Variants in NEGR1 observed in about 807,000 individuals in gnomAD.
NEGR1 encodes the protein IgLON family member 4.
NEGR1 carries 10 observed loss-of-function variants against 40.9 expected under a neutral mutation model. The observed-to-expected ratio is 0.24, with a 90% CI of 0.15 to 0.42. NEGR1 has a LOEUF of 0.42. NEGR1 is among the 10% of genes least tolerant of loss of function. The pLI is 1.00. For synonymous variants in NEGR1, 185 were observed against 166.8 expected (o/e 1.11, Z -0.84); for missense variants, 352 against 438.9 (o/e 0.80, Z 1.77).
intron 3 of NEGR1, among the ~76,000 whole-genome samples, chr1:71,727,642 A>G (rs2101659903): frequency 6.6e-6 from 1 of 152,266 alleles, no homozygotes; most frequent in Middle Eastern, 3.4e-3. Flanking sequence ...CAGAAAATAA[A>G]TTCATAAAAT....
At chr1:71,990,655 T>G (rs2100357170) in intron 1 of NEGR1, among the ~76,000 whole-genome samples, 1 of 152,182 alleles carries the variant, frequency 6.6e-6, no homozygotes, top group South Asian at 2.1e-4. Context: ...TTATAAAACA[T>G]CTGTTTCTTA....
At chr1:72,255,717 T>C (rs939920783) in intron 1 of NEGR1, among the ~76,000 whole-genome samples, 4 of 151,808 alleles carry the variant, frequency 2.6e-5, no homozygotes, top group Non-Finnish European at 5.9e-5. Flanking sequence ...CACCCAGCAA[T>C]TCTTTTGTAT....
rs879077998 is a variant in NEGR1 at position 72,273,833 on chromosome 1, T to TA, written c.176+8485dup. Among the ~76,000 whole-genome samples the TA allele has an allele frequency of 5.2e-3, 755 of 146,028 alleles. 5 individuals carry two copies. Among genetic ancestry groups the TA allele is most frequent in the African/African-American group, 0.013 (538 of 39,998 alleles). ...GGCAGGGACTGTTGATATATGGATT[T>TA]AAAAAAAAAAACACTTAAATACATT... is the stretch of plus-strand genomic sequence containing the variant. On this transcript the variant is annotated intron_variant, in intron 1 of 6. Coordinates refer to ENST00000357731, the MANE Select transcript of NEGR1 (RefSeq NM_173808.3).
intron 6 of NEGR1, among the ~76,000 whole-genome samples, chr1:71,519,639 T>C (rs1225947175): frequency 1.4e-4 from 18 of 126,836 alleles, no homozygotes; most frequent in Non-Finnish European, 1.5e-4. Context: ...AGATGACACG[T>C]TAGTGGGTGC....
At chr1:71,443,339 G>A (rs913388962) in intron 6 of NEGR1, among the ~76,000 whole-genome samples, 6 of 152,014 alleles carry the variant, frequency 3.9e-5, no homozygotes, top group African/African-American at 9.7e-5. Flanking sequence ...CATAACTGTC[G>A]TAGCCATTAT....
At chr1:71,569,764 T>C (rs1224660065) in intron 6 of NEGR1, among the ~76,000 whole-genome samples, 1 of 152,132 alleles carries the variant, frequency 6.6e-6, no homozygotes, top group Non-Finnish European at 1.5e-5. Context: ...ACAGAAAGTG[T>C]CATTATATGT....
chr1:72,145,724 C>T (rs1166737122), intron 1 of NEGR1, among the ~76,000 whole-genome samples: 2 of 152,012 alleles, frequency 1.3e-5, no homozygotes, highest in African/African-American at 2.4e-5. Flanking sequence ...TGAATGATTC[C>T]ACTCCAATCT....
chr1:71,714,159 G>A (rs1019551624), intron 3 of NEGR1, among the ~76,000 whole-genome samples: 3 of 152,154 alleles, frequency 2.0e-5, no homozygotes, highest in Non-Finnish European at 1.5e-5. Context: ...GAAGGAGAGA[G>A]AATGAGGGCC....
intron 4 of NEGR1, among the ~76,000 whole-genome samples, chr1:71,625,081 T>G (rs1196764837): frequency 6.6e-6 from 1 of 152,068 alleles, no homozygotes; most frequent in African/African-American, 2.4e-5. Context: ...GTTGCACATT[T>G]TGATGTAGGC....
chr1:71,664,635 A>T (rs905162578), intron 4 of NEGR1, among the ~76,000 whole-genome samples: 1 of 152,156 alleles, frequency 6.6e-6, no homozygotes, highest in African/African-American at 2.4e-5. Context: ...TTTGGTTTGA[A>T]CAGAATTTAT....
In NEGR1 at chr1:72,175,905, T is replaced by C. The variant is rs892624862; in HGVS notation, c.176+106414A>G. 4.6e-5 allele frequency among the ~76,000 whole-genome samples: 7 copies of C among 152,088 alleles called. No individual in the cohort carries two copies. The South Asian group carries it at 8.3e-4, about 18-fold the overall frequency. Reference sequence around the variant, plus strand: ...CATGGACATTATAAATAAAACTATTTTATGTCAGTGGTTTGAATGTAAGTA... The same window carrying C: ...CATGGACATTATAAATAAAACTATTCTATGTCAGTGGTTTGAATGTAAGTA... On this transcript the variant is annotated intron_variant, in intron 1 of 6. Transcript: ENST00000357731.
rs1646283192 is a variant in NEGR1 at position 71,407,103 on chromosome 1, G to A, written c.*343C>T. 6.1e-6 allele frequency: 1 copy of A among 162,894 alleles called. No individual in the cohort carries two copies. The allele number at this position is 162,894 out of a possible 1,614,324, so 10.1% of individuals were successfully genotyped here. The stretch of plus-strand genomic sequence containing the variant: ...GAATCACATATTCACTGCAATATTC[G>A]TTTTTGTAAACTACAGCCTGCAACC... On this transcript the variant is annotated 3_prime_UTR_variant, in exon 7 of 7. Transcript: ENST00000357731.
chr1:71,933,223 A>C (rs933535605), intron 2 of NEGR1, among the ~76,000 whole-genome samples: 1 of 152,054 alleles, frequency 6.6e-6, no homozygotes, highest in Non-Finnish European at 1.5e-5. Flanking sequence ...AAAAACGTGA[A>C]CAATATTAAA....
chr1:71,836,782 A>G (rs1659048782), intron 2 of NEGR1, among the ~76,000 whole-genome samples: 1 of 152,044 alleles, frequency 6.6e-6, no homozygotes. Flanking sequence ...TAACTGCCAT[A>G]TATTTTTACC....
At position 71,397,418 on chromosome 1, in the gene NEGR1, C is replaced by T. The variant is rs890955538; in HGVS notation, c.*10028G>A. The T allele has an allele frequency of 4.6e-5, 7 of 152,684 alleles. No homozygotes were observed. The highest frequency in any genetic ancestry group is 1.7e-4 in the African/African-American group (7 of 41,462). 9.5% of individuals were successfully genotyped at this position (152,684 alleles called of 1,614,324 possible). A position where few individuals can be genotyped will look rare whatever the true frequency, so the allele number is the denominator to read the frequency against. On this transcript the variant is annotated 3_prime_UTR_variant, in exon 7 of 7. Coordinates refer to ENST00000357731, the MANE Select transcript of NEGR1 (RefSeq NM_173808.3). ...CTCAGCTCACTGCAACCTCTGCCTC[C>T]TGGGTTCAAGCAATTCTTCTGCTTC... is the stretch of plus-strand genomic sequence containing the variant.
chr1:71,656,687 A>G (rs893806109), intron 4 of NEGR1, among the ~76,000 whole-genome samples: 11 of 152,328 alleles, frequency 7.2e-5, no homozygotes, highest in South Asian at 2.1e-4. Context: ...GGCGTAAGCC[A>G]CCGCGCCTGG....
intron 4 of NEGR1, 30 bp from the exon 5 acceptor site, chr1:71,611,176 G>A (rs940712254): frequency 3.1e-6 from 5 of 1,591,386 alleles, no homozygotes; most frequent in African/African-American, 1.3e-5. Flanking sequence ...ACAAATACTA[G>A]TAGATAAGTA....
chr1:71,992,380 T>C (rs1283265179), intron 1 of NEGR1, among the ~76,000 whole-genome samples: 1 of 152,166 alleles, frequency 6.6e-6, no homozygotes, highest in Non-Finnish European at 1.5e-5. Context: ...TACTGTATGG[T>C]ATTCTTATAA....
intron 1 of NEGR1, among the ~76,000 whole-genome samples, chr1:72,000,037 C>T (rs920663133): frequency 6.6e-6 from 1 of 151,718 alleles, no homozygotes; most frequent in Admixed American, 6.6e-5. Flanking sequence ...GTTCGGTTCC[C>T]AGAATAACAC....
Sources: gnomAD v4.1 joint callset for allele counts (sites outside exome capture counted in the v4.1 genomes callset) on GRCh38, gnomAD v4.1.1 for gene constraint, MANE v1.5 for transcripts, NCBI Gene and HGNC (gene_info 2026-07-23, HGNC 2026-07-21) for gene names.